The following TRIM14 variants were observed in gnomAD, a reference collection of about 807,000 sequenced individuals.
TRIM14 encodes tripartite motif-containing protein 14.
A neutral mutation model predicts 44.5 loss-of-function variants in TRIM14; 28 were observed. The ratio of observed to expected loss-of-function variants is 0.63; its 90% CI spans 0.47 to 0.86. The LOEUF is 0.86. Ranked by LOEUF, TRIM14 falls within the 40% of genes least tolerant of loss-of-function variation. The pLI is 0.00. For missense variants in TRIM14, 607 were observed against 611.1 expected (o/e 0.99, Z 0.07); for synonymous variants, 299 against 269.2 (o/e 1.11, Z -1.08).
downstream of TRIM14, among the ~76,000 whole-genome samples, chr9:98,067,049 A>C (rs1222937523): frequency 6.6e-6 from 1 of 152,038 alleles, no homozygotes; most frequent in Non-Finnish European, 1.5e-5. Context: ...TTCATATAAC[A>C]TTGTGTTTTC....
the TRIM14 span, among the ~76,000 whole-genome samples, chr9:98,038,650 T>C: frequency 6.6e-6 from 1 of 152,196 alleles, no homozygotes; most frequent in Admixed American, 6.5e-5. Flanking sequence ...AAAACTGCAA[T>C]AGCTTTCTTC....
chr9:98,089,155 C>T (rs998048776), intron 5 of TRIM14, among the ~76,000 whole-genome samples: 3 of 152,068 alleles, frequency 2.0e-5, no homozygotes, highest in African/African-American at 7.2e-5. Flanking sequence ...TTTCTCCTGT[C>T]TCCCACTTCC....
chr9:98,073,877 C>G (rs1302858153), intron 6 of TRIM14, among the ~76,000 whole-genome samples: 1 of 152,144 alleles, frequency 6.6e-6, no homozygotes, highest in African/African-American at 2.4e-5. Context: ...GCCTCAACCT[C>G]CTGGGTTCAA....
chr9:98,101,028 T>A (rs1826369549), intron 2 of TRIM14, among the ~76,000 whole-genome samples: 1 of 152,182 alleles, frequency 6.6e-6, no homozygotes, highest in African/African-American at 2.4e-5. Flanking sequence ...CCAGGCTGAG[T>A]GCAGTGGTGC....
Position 98,104,048 on chromosome 9 carries a change from A to G in TRIM14, c.304-3884T>C, listed in dbSNP as rs181467873. ...ATCTGTGTTTCCTATCCAATGCTCC[A>G]GGCAGAGGATAGGTTCAGAGGCTAG... On this transcript the variant is annotated intron_variant, in intron 2 of 5. Transcript: ENST00000341469. Among the ~76,000 whole-genome samples the G allele has an allele frequency of 4.2e-3, 643 of 152,222 alleles. 5 individuals are homozygous for G. The highest frequency in any genetic ancestry group is 8.1e-3 in the Admixed American group (123 of 15,266).
At chr9:98,054,203 GACT>G in the TRIM14 span, among the ~76,000 whole-genome samples, 2 of 152,168 alleles carry the variant, frequency 1.3e-5, no homozygotes, top group East Asian at 3.9e-4. Flanking sequence ...AGGCCTGCTG[GACT>G]TGCATCAGAA....
the TRIM14 span, chr9:98,061,046 C>A: frequency 1.9e-6 from 3 of 1,583,828 alleles, no homozygotes; most frequent in South Asian, 1.1e-5. Flanking sequence ...GACCAAGGGT[C>A]AGCAGGCAGC....
At chr9:98,059,633 T>C in the TRIM14 span, among the ~76,000 whole-genome samples, 1 of 152,190 alleles carries the variant, frequency 6.6e-6, no homozygotes, top group Non-Finnish European at 1.5e-5. Flanking sequence ...GAGGCTGGTC[T>C]TGAACTCCTT....
At chr9:98,118,184 CAGAG>C (rs1827121570) in intron 1 of TRIM14, among the ~76,000 whole-genome samples, 1 of 152,046 alleles carries the variant, frequency 6.6e-6, no homozygotes, top group African/African-American at 2.4e-5. Flanking sequence ...TCATGAAACC[CAGAG>C]AGAGAGAAGG....
intron 6 of TRIM14, chr9:98,076,850 C>T: frequency 7.8e-7 from 1 of 1,285,016 alleles, no homozygotes; most frequent in South Asian, 1.3e-5. Context: ...GTATGTTATT[C>T]CTTGCCTGTC....
chr9:98,045,755 AC>A, the TRIM14 span, among the ~76,000 whole-genome samples: 2 of 151,780 alleles, frequency 1.3e-5, no homozygotes, highest in African/African-American at 4.8e-5. Flanking sequence ...TCTTCTAATG[AC>A]CCCCAGGGGT....
rs151297990 is a variant in TRIM14, at chr9:98,115,684, A to G, written c.207+3298T>C. ...CAGGCGTGAGCCACCGCACCTGGCTATTTGTGAGTATTCTTATTTTATGAC... is the reference window on the plus strand; with the variant it reads ...CAGGCGTGAGCCACCGCACCTGGCTGTTTGTGAGTATTCTTATTTTATGAC... On this transcript the variant is annotated intron_variant, in intron 1 of 5. Coordinates refer to ENST00000341469, the MANE Select transcript of TRIM14 (RefSeq NM_014788.4). Among the ~76,000 whole-genome samples, 1,065 of 152,186 alleles carry G rather than the reference A, an allele frequency of 7.0e-3. 7 individuals are homozygous for G. The highest frequency in any genetic ancestry group is 0.024 in the African/African-American group (988 of 41,556).
At chr9:98,092,521 C>T (rs778004187) in intron 4 of TRIM14, 4 of 431,624 alleles carry the variant, frequency 9.3e-6, no homozygotes, top group Admixed American at 2.5e-5. Context: ...CCTTCCGCCC[C>T]CATCACTCCC....
chr9:98,111,244 T>G (rs1826843197), intron 1 of TRIM14, among the ~76,000 whole-genome samples: 1 of 151,996 alleles, frequency 6.6e-6, no homozygotes, highest in African/African-American at 2.4e-5. Context: ...GGTATGTGGA[T>G]GCAAAATGAA....
chr9:98,050,808 CT>C, the TRIM14 span, among the ~76,000 whole-genome samples: 34 of 152,202 alleles, frequency 2.2e-4, no homozygotes, highest in African/African-American at 8.2e-4. Context: ...AGAGTCTACT[CT>C]GTCACCCAGG....
rs371812884 is a variant in TRIM14, at chr9:98,109,876, A to C, written c.303+13T>G. The C allele has an allele frequency of 2.5e-6, 4 of 1,605,560 alleles. No individual in the cohort carries two copies. The highest frequency in any genetic ancestry group is 3.4e-6 in the Non-Finnish European group (4 of 1,174,792). ...GGTCTTTCCATGGGTATGAGGAAGAAATGTCCACTTGCCTTGAGCTTCTCG... is the reference window on the plus strand; with the variant it reads ...GGTCTTTCCATGGGTATGAGGAAGACATGTCCACTTGCCTTGAGCTTCTCG... On this transcript the variant is annotated intron_variant, in intron 2 of 5. Transcript: ENST00000341469.
chr9:98,106,411 A>G (rs566284686), intron 2 of TRIM14, among the ~76,000 whole-genome samples: 81 of 152,346 alleles, frequency 5.3e-4, no homozygotes, highest in African/African-American at 1.9e-3. Context: ...TTAACACTGA[A>G]GGAAGTGGGC....
chr9:98,091,279 C>T (rs1463602430), intron 5 of TRIM14, among the ~76,000 whole-genome samples: 1 of 151,992 alleles, frequency 6.6e-6, no homozygotes, highest in Admixed American at 6.6e-5. Flanking sequence ...TGCCATGCAA[C>T]CTCTAAAAAC....
chr9:98,100,160 T>G lies in TRIM14; in HGVS notation c.308A>C (p.Asn103Thr). The change falls in exon 3 of 6, where the codon AAT (asparagine) becomes ACT (threonine). Residue 103 changes from asparagine to threonine, a missense_variant. By Grantham distance (65) the Asn-to-Thr change is moderately conservative. Around this residue, in one of 3 missense-constraint regions of TRIM14, gnomAD observed 246 missense variants for 270.8 expected, o/e 0.91. Transcript: ENST00000341469. ...CAGCCAGGTTTTACTTGACTCTGCA[T>G]TAGCCTAAAAACAGAAAAACCAGTT... Reference protein sequence around the residue: ...IEDATEKLKANAESSKTWLKG... With the variant: ...IEDATEKLKATAESSKTWLKG... 6.2e-7 allele frequency: 1 copy of G among 1,613,906 alleles called. No homozygotes were observed. The highest frequency in any genetic ancestry group is 8.5e-7 in the Non-Finnish European group (1 of 1,179,780).
Sources: gnomAD v4.1 joint callset for allele counts (sites outside exome capture counted in the v4.1 genomes callset) on GRCh38, gnomAD v4.1.1 for gene constraint, gnomAD v4.1.1 regional missense constraint, MANE v1.5 for transcripts, NCBI Gene and HGNC (gene_info 2026-07-23, HGNC 2026-07-21) for gene names.